The following ARHGAP27 variants were observed in gnomAD, a reference collection of about 807,000 sequenced individuals.
The protein encoded by ARHGAP27 is rho GTPase-activating protein 27.
Under a neutral mutation model 102.0 loss-of-function variants are expected in ARHGAP27, and 53 were observed. The ratio of observed to expected loss-of-function variants is 0.52; its 90% CI spans 0.42 to 0.65. The LOEUF (loss-of-function observed/expected upper bound fraction) is 0.65, where lower values mean the gene tolerates loss of function less well. ARHGAP27 is among the 30% of genes least tolerant of loss of function. ARHGAP27 has a pLI of 0.00. For synonymous variants in ARHGAP27, 525 were observed against 542.8 expected, an observed-to-expected ratio of 0.97 and a Z score of 0.46; for missense variants, 1,117 against 1,256.2, an observed-to-expected ratio of 0.89 and a Z score of 1.68.
intron 4 of ARHGAP27, among the ~76,000 whole-genome samples, chr17:45,428,573 G>A (rs1431574104): frequency 6.6e-6 from 1 of 152,176 alleles, no homozygotes; most frequent in Non-Finnish European, 1.5e-5. Flanking sequence ...CTACGGAGGC[G>A]TGTCTCCTTC....
In ARHGAP27 at chr17:45,396,091, G is replaced by T; in HGVS notation, c.2278C>A (p.Arg760Ser). ...GTGATAACGTGGACGTCCTCCCAGC[G>T]CCCGTCATCCAGGTCAAGGCGCTCA... ...HDERLDLDDGRWEDVHVITGA... is the reference protein window; with the variant it reads ...HDERLDLDDGSWEDVHVITGA... The change falls in exon 18 of 20, where the codon CGC becomes AGC. Residue 760 changes from arginine to serine, a missense_variant. Coordinates refer to ENST00000685559, the MANE Select transcript of ARHGAP27 (RefSeq NM_001282290.2). 6.2e-7 allele frequency: 1 copy of T among 1,613,384 alleles called. No individual in the cohort carries two copies. The highest frequency in any genetic ancestry group is 8.5e-7 in the Non-Finnish European group (1 of 1,179,588).
chr17:45,398,360 C>G (rs903505874), intron 12 of ARHGAP27, among the ~76,000 whole-genome samples: 1 of 152,194 alleles, frequency 6.6e-6, no homozygotes, highest in Non-Finnish European at 1.5e-5. Flanking sequence ...TACACTTTCC[C>G]TCCCCCATCC....
At chr17:45,398,888 A>C (rs1160980991) in intron 12 of ARHGAP27, among the ~76,000 whole-genome samples, 1 of 152,118 alleles carries the variant, frequency 6.6e-6, no homozygotes, top group Non-Finnish European at 1.5e-5. Flanking sequence ...CCATACACAC[A>C]CTGAGGACTC....
chr17:45,410,654 C>T (rs995573452), intron 4 of ARHGAP27, among the ~76,000 whole-genome samples: 6 of 152,108 alleles, frequency 3.9e-5, no homozygotes, highest in African/African-American at 7.2e-5. Flanking sequence ...GAGAGAATCA[C>T]GGCTGAGCCT....
At chr17:45,414,568 G>C (rs1447548055) in intron 4 of ARHGAP27, among the ~76,000 whole-genome samples, 2 of 150,290 alleles carry the variant, frequency 1.3e-5, no homozygotes, top group Non-Finnish European at 3.0e-5. Context: ...CTCCCAGGTA[G>C]CTGGCTAGCT....
intron 4 of ARHGAP27, chr17:45,425,448 G>T: frequency 3.9e-6 from 2 of 514,672 alleles, no homozygotes; most frequent in Non-Finnish European, 5.0e-6. Flanking sequence ...GTGGGTGCTG[G>T]GCCTGGATCC....
At position 45,397,397 on chromosome 17, in the gene ARHGAP27, G is replaced by C. The variant is rs556008123; in HGVS notation, c.1843-373C>G. 80 of 796,060 alleles carry C rather than the reference G, an allele frequency of 1.0e-4. No individual in the cohort carries two copies. In the African/African-American group the frequency reaches 1.4e-3, roughly 14 times the overall value. 49.3% of individuals were successfully genotyped at this position (796,060 alleles called of 1,614,324 possible). A position where few individuals can be genotyped will look rare whatever the true frequency, so the allele number is the denominator to read the frequency against. Reference sequence around the variant, plus strand: ...GCCTGCACCTCCAGCTGTGGCCGGAGCACTGCCAACAACTGCACCAATATC... The same window carrying C: ...GCCTGCACCTCCAGCTGTGGCCGGACCACTGCCAACAACTGCACCAATATC... On this transcript the variant is annotated intron_variant, in intron 13 of 19. Coordinates refer to ENST00000685559, the MANE Select transcript of ARHGAP27 (RefSeq NM_001282290.2).
At chr17:45,408,594 T>C (rs2047513259) in intron 4 of ARHGAP27, 1 of 152,196 alleles carries the variant, frequency 6.6e-6, no homozygotes, top group African/African-American at 2.4e-5. Context: ...ATAGCTCTGA[T>C]GTGGCATCCT....
At chr17:45,396,441 G>A (rs1341089198) in intron 16 of ARHGAP27, 46 bp downstream of exon 16, 4 of 1,485,830 alleles carry the variant, frequency 2.7e-6, no homozygotes, top group Admixed American at 4.5e-5. Context: ...CAGGAGGCCT[G>A]CGGGCACCCC....
intron 4 of ARHGAP27, among the ~76,000 whole-genome samples, chr17:45,415,648 C>G (rs1362652715): frequency 6.6e-6 from 1 of 152,230 alleles, no homozygotes; most frequent in Non-Finnish European, 1.5e-5. Context: ...TTTGCCTCAT[C>G]TGACACTGAG....
rs1049467098 is a variant in ARHGAP27, at chr17:45,405,536, G to A, written c.1065+140C>T. 4.1e-6 allele frequency: 5 copies of A among 1,209,170 alleles called. No homozygotes were observed. The African/African-American group carries it at 6.2e-5, about 15-fold the overall frequency. 74.9% of individuals were successfully genotyped at this position (1,209,170 alleles called of 1,614,324 possible). A position where few individuals can be genotyped will look rare whatever the true frequency, so the allele number is the denominator to read the frequency against. On this transcript the variant is annotated intron_variant, in intron 5 of 19. Coordinates refer to ENST00000685559, the MANE Select transcript of ARHGAP27 (RefSeq NM_001282290.2). ...GGTCCCTGGGTCTGTGGGAGCAGGA[G>A]AAGGGGTCAAAGGCTCTCAGAGGTA... is the stretch of plus-strand genomic sequence containing the variant.
At chr17:45,425,511 G>T in intron 4 of ARHGAP27, 1 of 966,752 alleles carries the variant, frequency 1.0e-6, no homozygotes. Context: ...GGAGGGGAGA[G>T]ATTGGGGAAA....
Position 45,396,477 on chromosome 17 carries a change from G to A in ARHGAP27, c.2173+10C>T, listed in dbSNP as rs983677075. The A allele has an allele frequency of 1.2e-5, 18 of 1,527,138 alleles. No homozygotes were observed. The highest frequency in any genetic ancestry group is 1.4e-5 in the Non-Finnish European group (16 of 1,142,010). 94.6% of individuals were successfully genotyped at this position (1,527,138 alleles called of 1,614,324 possible). A position where few individuals can be genotyped will look rare whatever the true frequency, so the allele number is the denominator to read the frequency against. On this transcript the variant is annotated intron_variant, in intron 16 of 19. Coordinates refer to ENST00000685559, the MANE Select transcript of ARHGAP27 (RefSeq NM_001282290.2). ...AATGCCTGCCGCCCTCACCCCCGCA[G>A]CGCACGTACCGCGGGCCTCGACGGC...
intron 4 of ARHGAP27, among the ~76,000 whole-genome samples, chr17:45,413,622 C>T (rs1597826313): frequency 2.0e-5 from 3 of 152,230 alleles, no homozygotes; most frequent in South Asian, 4.1e-4. Flanking sequence ...CTTCGGGTTT[C>T]GATTGGGTGC....
chr17:45,429,317 A>G lies in ARHGAP27; in HGVS notation c.657+306T>C, dbSNP rs548032984. On this transcript the variant is annotated intron_variant, in intron 4 of 19. Coordinates refer to ENST00000685559, the MANE Select transcript of ARHGAP27 (RefSeq NM_001282290.2). ...TGCAGCGAAACATGAATATTCACAC[A>G]AGTGCGATAAATAAAGACCATCAGC... The G allele has an allele frequency of 5.8e-5, 54 of 933,750 alleles. No individual in the cohort carries two copies. In the Admixed American group the frequency reaches 1.6e-3, roughly 27 times the overall value. 57.8% of individuals were successfully genotyped at this position (933,750 alleles called of 1,614,324 possible). A position where few individuals can be genotyped will look rare whatever the true frequency, so the allele number is the denominator to read the frequency against.
Position 45,429,762 on chromosome 17 carries a change from C to T in ARHGAP27, c.518G>A (p.Gly173Glu). The change falls in exon 4 of 20, where the codon GGA becomes GAA. Residue 173 changes from glycine (G) to glutamate (E), a missense_variant. Gly to Glu is a moderately conservative substitution (Grantham distance 98, BLOSUM62 -2). Coordinates refer to ENST00000685559, the MANE Select transcript of ARHGAP27 (RefSeq NM_001282290.2). ...GCAGGCCTTGAAGCTGCCGCTGCTT[C>T]CTAGGAGGCCGGCGGGAGGCGAGAC... ...AAVSPPAGLLGSSGSFKACSV... is the reference protein window; with the variant it reads ...AAVSPPAGLLESSGSFKACSV... The T allele has an allele frequency of 1.3e-6, 2 of 1,532,230 alleles. No homozygotes were observed. The highest frequency in any genetic ancestry group is 1.8e-6 in the Non-Finnish European group (2 of 1,141,108). The allele number at this position is 1,532,230 out of a possible 1,614,324, so 94.9% of individuals were successfully genotyped here.
chr17:45,396,144 G>C, intron 17 of ARHGAP27, 27 bp from the exon 18 acceptor site: 1 of 1,601,758 alleles, frequency 6.2e-7, no homozygotes, highest in South Asian at 1.1e-5. Context: ...GAGGAGGACG[G>C]AAGGGAAATC....
chr17:45,397,879 T>A, intron 13 of ARHGAP27, 70 bp downstream of exon 13: 1 of 1,383,618 alleles, frequency 7.2e-7, no homozygotes, highest in Non-Finnish European at 1.0e-6. Context: ...TCCCTGAGCC[T>A]GAGCAGAGGG....
chr17:45,395,513 C>G lies in ARHGAP27; in HGVS notation c.2613G>C (p.Gln871His), dbSNP rs1438778535. 1.3e-6 allele frequency: 2 copies of G among 1,597,060 alleles called. No homozygotes were observed. Among genetic ancestry groups the G allele is most frequent in the South Asian group, 2.3e-5 (2 of 88,150 alleles). Residue 871 changes from glutamine to histidine, a missense_variant, in exon 20 of 20, where the codon CAG (glutamine) becomes CAC (histidine). Around this residue, in one of 3 missense-constraint regions of ARHGAP27, gnomAD observed 493 missense variants for 505.5 expected, o/e 0.98. Transcript: ENST00000685559. Reference sequence around the variant, plus strand: ...GCAGGATGAGCTCCACCACCTGGTTCTGGAACACCATGGTCATGGGCATGC... The same window carrying G: ...GCAGGATGAGCTCCACCACCTGGTTGTGGAACACCATGGTCATGGGCATGC... ...ETSMPMTMVF[Q>H]NQVVELILQQ...
Sources: gnomAD v4.1 joint callset for allele counts (sites outside exome capture counted in the v4.1 genomes callset) on GRCh38, gnomAD v4.1.1 for gene constraint, gnomAD v4.1.1 regional missense constraint, MANE v1.5 for transcripts, NCBI Gene and HGNC (gene_info 2026-07-23, HGNC 2026-07-21) for gene names.